Variants in KLRG1 observed in about 807,000 individuals in gnomAD.
KLRG1 encodes the protein killer cell lectin-like receptor subfamily G member 1.
A neutral mutation model predicts 21.8 loss-of-function variants in KLRG1; 16 were observed. The ratio of observed to expected loss-of-function variants is 0.73; its 90% CI spans 0.50 to 1.11. The LOEUF (loss-of-function observed/expected upper bound fraction) is 1.11. Among genes scored for constraint, KLRG1 ranks in the 50% most tolerant of loss-of-function variants. KLRG1 has a pLI of 0.00. For missense variants in KLRG1, 173 were observed against 218.3 expected, an observed-to-expected ratio of 0.79 and a Z score of 1.31; for synonymous variants, 69 against 75.9, an observed-to-expected ratio of 0.91 and a Z score of 0.47.
rs3026251 is a variant in KLRG1 at position 9,009,052 on chromosome 12, T to C, written c.435T>C (p.Asp145=). 0.29 allele frequency: 472,789 copies of C among 1,611,658 alleles called. 72,425 individuals are homozygous for C. The highest frequency in any genetic ancestry group is 0.4 in the East Asian group (18,058 of 44,790). ...ACAATTCTGGCTGGAGGTGGGAAGATGGATCACCTCTAAACTTCTCAAGGT... is the reference window on the plus strand; with the variant it reads ...ACAATTCTGGCTGGAGGTGGGAAGACGGATCACCTCTAAACTTCTCAAGGT... ...LRNNSGWRWE[D]GSPLNFSRIS... is the part of the protein sequence containing the mutation. The change falls in exon 4 of 5, where the codon GAT becomes GAC. Residue 145 remains aspartate (D), a synonymous_variant. Transcript: ENST00000356986.
the KLRG1 span, among the ~76,000 whole-genome samples, chr12:9,186,843 G>T: frequency 7.6e-6 from 1 of 131,336 alleles, no homozygotes; most frequent in Non-Finnish European, 1.6e-5. Flanking sequence ...ACACACTGGG[G>T]CCTGTCGGGG....
At chr12:9,076,835 G>T in the KLRG1 span, 1 of 1,614,010 alleles carries the variant, frequency 6.2e-7, no homozygotes. Context: ...CAAAAGCATA[G>T]GCCAGCAGTG....
chr12:9,080,138 G>A, the KLRG1 span: 1 of 1,589,398 alleles, frequency 6.3e-7, no homozygotes, highest in East Asian at 2.3e-5. Flanking sequence ...TACCACATTT[G>A]GTGGCAGTTT....
At position 8,957,646 on chromosome 12, in the gene KLRG1, G is replaced by A. The variant is rs1054784123; in HGVS notation, c.-156+7410G>A. 1.1e-4 allele frequency among the ~76,000 whole-genome samples: 17 copies of A among 151,768 alleles called. No homozygotes were observed. The South Asian group carries it at 2.1e-3, about 19-fold the overall frequency. On this transcript the variant is annotated intron_variant, in intron 1 of 4. Transcript: ENST00000539240. ...CTGCATAGCCAGCATTACTACTCTTGCGCTTTGTGGCCATTATTAAGTAAA... is the reference window on the plus strand; with the variant it reads ...CTGCATAGCCAGCATTACTACTCTTACGCTTTGTGGCCATTATTAAGTAAA...
At chr12:9,183,901 G>C in the KLRG1 span, among the ~76,000 whole-genome samples, 1 of 152,148 alleles carries the variant, frequency 6.6e-6, no homozygotes, top group South Asian at 2.1e-4. Flanking sequence ...TTAAGGCAGT[G>C]TTATGCCATT....
chr12:9,076,886 T>C, the KLRG1 span: 7 of 1,612,346 alleles, frequency 4.3e-6, no homozygotes, highest in Non-Finnish European at 5.1e-6. Flanking sequence ...CTTCTTGTGC[T>C]GTCTTCCAGG....
At chr12:9,068,170 G>GT in the KLRG1 span, 1 of 1,612,262 alleles carries the variant, frequency 6.2e-7, no homozygotes, top group African/African-American at 1.3e-5. Context: ...TTGGAGGAGT[G>GT]TGAGTGGCTT....
the KLRG1 span, among the ~76,000 whole-genome samples, chr12:9,198,570 GAAA>G: frequency 6.6e-6 from 1 of 152,070 alleles, no homozygotes; most frequent in East Asian, 1.9e-4. Context: ...GAGAGAGGGA[GAAA>G]AAGAAGCCTA....
At chr12:9,070,806 A>T in the KLRG1 span, among the ~76,000 whole-genome samples, 4 of 149,268 alleles carry the variant, frequency 2.7e-5, no homozygotes, top group Admixed American at 6.7e-5. Flanking sequence ...TGTCTAGTGT[A>T]TGGGGGCTGA....
At chr12:9,154,486 T>A in the KLRG1 span, 1 of 916,310 alleles carries the variant, frequency 1.1e-6, no homozygotes, top group Non-Finnish European at 1.6e-6. Context: ...ATTCTCATGG[T>A]CCTCAAATAT....
the KLRG1 span, chr12:9,080,085 G>C: frequency 6.4e-7 from 1 of 1,570,434 alleles, no homozygotes; most frequent in Non-Finnish European, 8.7e-7. Flanking sequence ...CTAGGGGCTG[G>C]AGACTCACCC....
At position 8,953,971 on chromosome 12, in the gene KLRG1, T is replaced by C. The variant is rs939840431; in HGVS notation, c.-156+3735T>C. 2.6e-5 allele frequency among the ~76,000 whole-genome samples: 4 copies of C among 152,128 alleles called. No homozygotes were observed. In the East Asian group the frequency reaches 7.7e-4, roughly 29 times the overall value. Reference sequence around the variant, plus strand: ...CCACAGGAACATGCAGTCCACCCACTGATGAGGCCGAGAAGTTGCGGGAGG... The same window carrying C: ...CCACAGGAACATGCAGTCCACCCACCGATGAGGCCGAGAAGTTGCGGGAGG... On this transcript the variant is annotated intron_variant, in intron 1 of 4. Coordinates refer to the KLRG1 transcript ENST00000539240.
At chr12:9,134,641 A>G in the KLRG1 span, among the ~76,000 whole-genome samples, 2 of 152,200 alleles carry the variant, frequency 1.3e-5, no homozygotes, top group South Asian at 2.1e-4. Flanking sequence ...GCTGTTTTAG[A>G]TAAATCATGT....
At chr12:9,192,842 C>G in the KLRG1 span, 1 of 725,306 alleles carries the variant, frequency 1.4e-6, no homozygotes, top group Non-Finnish European at 2.3e-6. Flanking sequence ...CTCTAAAATA[C>G]ACTATGCCTC....
chr12:9,044,885 A>C, the KLRG1 span, among the ~76,000 whole-genome samples: 55 of 152,334 alleles, frequency 3.6e-4, 1 homozygote, highest in African/African-American at 1.3e-3. Context: ...TAGGCTGATA[A>C]ATTGACATGT....
chr12:9,124,396 G>T, the KLRG1 span, among the ~76,000 whole-genome samples: 1 of 152,116 alleles, frequency 6.6e-6, no homozygotes, highest in Non-Finnish European at 1.5e-5. Flanking sequence ...TAGGAGCCCC[G>T]CCCAAACTGC....
At chr12:9,030,162 G>A in the KLRG1 span, among the ~76,000 whole-genome samples, 1 of 152,320 alleles carries the variant, frequency 6.6e-6, no homozygotes, top group East Asian at 1.9e-4. Flanking sequence ...TGAGTTCTGG[G>A]CAAAGTCTTG....
chr12:9,021,403 CTT>C, the KLRG1 span, among the ~76,000 whole-genome samples: 1,410 of 137,744 alleles, frequency 0.01, 17 homozygotes, highest in African/African-American at 0.034. Context: ...CTTTTTTACT[CTT>C]TTTTTTTTTT....
At chr12:9,064,513 C>T in the KLRG1 span, 1 of 155,420 alleles carries the variant, frequency 6.4e-6, no homozygotes, top group African/African-American at 2.4e-5. The surrounding 1 kb of genome is among the most constrained non-coding windows in gnomAD (Gnocchi z 4.0). Flanking sequence ...CTCCACCGCT[C>T]CGGACCCTGG....
Sources: gnomAD v4.1 joint callset for allele counts (sites outside exome capture counted in the v4.1 genomes callset) on GRCh38, gnomAD v4.1.1 for gene constraint, Gnocchi (gnomAD v3.1) non-coding constraint, MANE v1.5 for transcripts, NCBI Gene and HGNC (gene_info 2026-07-23, HGNC 2026-07-21) for gene names.